FN1: variants seen among roughly 807,000 people sequenced by gnomAD.
FN1 encodes fibronectin.
A neutral mutation model predicts 297.3 loss-of-function variants in FN1; 106 were observed. The observed-to-expected ratio is 0.36, with a 90% confidence interval of 0.30 to 0.42. The LOEUF (loss-of-function observed/expected upper bound fraction) is 0.42. FN1 is among the 10% of genes least tolerant of loss of function. The pLI is 1.00. For synonymous variants in FN1, 1,149 were observed against 1,152.6 expected (o/e 1.00, Z 0.06); for missense variants, 2,690 against 3,124.9 (o/e 0.86, Z 3.32).
chr2:215,375,804 T>G, intron 36 of FN1, 86 bp from the exon 37 acceptor site: 2 of 836,938 alleles, frequency 2.4e-6, no homozygotes, highest in Non-Finnish European at 4.1e-6. Context: ...TTCTGGGTTC[T>G]TCTATCATCC....
chr2:215,414,524 G>A, intron 13 of FN1: 1 of 285,706 alleles, frequency 3.5e-6, no homozygotes, highest in African/African-American at 2.2e-5. Context: ...TTCCCACATT[G>A]GGCAAGAACA....
At chr2:215,396,320 C>T (rs1559455003) in intron 23 of FN1, among the ~76,000 whole-genome samples, 2 of 152,090 alleles carry the variant, frequency 1.3e-5, no homozygotes, top group Non-Finnish European at 2.9e-5. Context: ...GTGGTTTTGG[C>T]AAAAGTAATG....
At chr2:215,392,749 G>A (rs1378379182) in intron 25 of FN1, 182 bp downstream of exon 25, 4 of 664,838 alleles carry the variant, frequency 6.0e-6, no homozygotes, top group Non-Finnish European at 1.1e-5. Context: ...AAGAATACTT[G>A]CATGTGTTTT....
In FN1 at chr2:215,435,887, C is replaced by T; in HGVS notation, c.-85G>A. On this transcript the variant is annotated 5_prime_UTR_variant, in exon 1 of 46. Coordinates refer to ENST00000354785, the MANE Select transcript of FN1 (RefSeq NM_212482.4). ...CCCTTCGCAACCTGCGGGAAAAATC[C>T]CTTCTAATGCCTCCCGGGGGTTGTC... The T allele has an allele frequency of 6.8e-7, 1 of 1,477,212 alleles. No homozygotes were observed. Among genetic ancestry groups the T allele is most frequent in the South Asian group, 1.3e-5 (1 of 74,192 alleles). The allele number at this position is 1,477,212 out of a possible 1,614,324, so 91.5% of individuals were successfully genotyped here. A position where few individuals can be genotyped will look rare whatever the true frequency, so the allele number is the denominator to read the frequency against.
Position 215,383,360 on chromosome 2 carries a change from G to C in FN1, c.5018C>G (p.Pro1673Arg). The change falls in exon 31 of 46, where the codon CCA becomes CGA. Residue 1673 changes from proline (P) to arginine (R), a missense_variant. Around this residue, in one of 3 missense-constraint regions of FN1, gnomAD observed 1,743 missense variants for 1,945.2 expected, o/e 0.90. Transcript: ENST00000354785. Reference protein sequence around the residue: ...YRVTTTPKNGPGPTKTKTAGP... With the variant: ...YRVTTTPKNGRGPTKTKTAGP... Reference sequence around the variant, plus strand: ...TGCAGTTTTAGTTTTTGTTGGTCCTGGTCCATTTTTGGGAGTGGTGGTTAC... The same window carrying C: ...TGCAGTTTTAGTTTTTGTTGGTCCTCGTCCATTTTTGGGAGTGGTGGTTAC... 5 of 1,614,086 alleles carry C rather than the reference G, an allele frequency of 3.1e-6. No individual in the cohort carries two copies. Among genetic ancestry groups the C allele is most frequent in the Non-Finnish European group, 4.2e-6 (5 of 1,179,990 alleles).
At chr2:215,390,863 TA>T (rs1267890321) in intron 26 of FN1, among the ~76,000 whole-genome samples, 1 of 152,254 alleles carries the variant, frequency 6.6e-6, no homozygotes, top group Non-Finnish European at 1.5e-5. Flanking sequence ...GTAATGTACC[TA>T]AATGTAAGCT....
rs549527582 is a variant in FN1, at chr2:215,395,597, A to T, written c.3605-878T>A. Among the ~76,000 whole-genome samples the T allele has an allele frequency of 5.9e-5, 9 of 152,212 alleles. 1 individual carries two copies. The South Asian group carries it at 1.7e-3, about 28-fold the overall frequency. The stretch of plus-strand genomic sequence containing the variant: ...AGTATTGATTGTTGAAGTCTTCAGG[A>T]ATCACAGAAATTGGGCAGTAAAAGA... On this transcript the variant is annotated intron_variant, in intron 23 of 45. Transcript: ENST00000354785.
intron 20 of FN1, among the ~76,000 whole-genome samples, chr2:215,401,255 A>G (rs376236790): frequency 0.39 from 21,446 of 54,470 alleles, 3,555 homozygotes; most frequent in Non-Finnish European, 0.44. Flanking sequence ...AGAAAGGAAG[A>G]AAGAAAGGAA....
At chr2:215,401,231 A>AAGGAAGGAAGG (rs1559474823) in intron 20 of FN1, among the ~76,000 whole-genome samples, 42 of 57,890 alleles carry the variant, frequency 7.3e-4, no homozygotes, top group African/African-American at 2.7e-3. Flanking sequence ...AGAAAGAAAG[A>AAGGAAGGAAGG]AAGAAAGAAA....
chr2:215,372,435 C>CA lies in FN1; in HGVS notation c.6248-61dup, dbSNP rs1388088430. ...CGCATTAAGCTCCAGGAAGTAGCAGCAATGATAATAATCGATTCAGGCAAC... is the reference window on the plus strand; with the variant it reads ...CGCATTAAGCTCCAGGAAGTAGCAGCAAATGATAATAATCGATTCAGGCAAC... On this transcript the variant is annotated intron_variant, in intron 39 of 45. Coordinates refer to ENST00000354785, the MANE Select transcript of FN1 (RefSeq NM_212482.4). The CA allele has an allele frequency of 8.1e-6, 10 of 1,234,580 alleles. No individual in the cohort carries two copies. The East Asian group carries it at 2.3e-4, about 29-fold the overall frequency. The allele number at this position is 1,234,580 out of a possible 1,614,324, so 76.5% of individuals were successfully genotyped here. A position where few individuals can be genotyped will look rare whatever the true frequency, so the allele number is the denominator to read the frequency against.
chr2:215,432,052 T>A, intron 3 of FN1, 88 bp from the exon 4 acceptor site: 1 of 1,523,636 alleles, frequency 6.6e-7, no homozygotes, highest in Non-Finnish European at 9.1e-7. Flanking sequence ...GGTACTTAGG[T>A]TGGCTAAAGT....
chr2:215,399,596 T>G (rs2060745846), intron 20 of FN1, among the ~76,000 whole-genome samples: 1 of 152,068 alleles, frequency 6.6e-6, no homozygotes, highest in Non-Finnish European at 1.5e-5. Flanking sequence ...AACAAAAAAC[T>G]AGGGAGTTTG....
chr2:215,394,397 A>G (rs1400172566), intron 24 of FN1, 131 bp downstream of exon 24: 3 of 841,232 alleles, frequency 3.6e-6, no homozygotes, highest in Admixed American at 1.8e-5. Flanking sequence ...TTGGTTTTGG[A>G]AAGTGCAGCT....
In FN1 at chr2:215,408,089, A is replaced by G. The variant is rs764820412; in HGVS notation, c.2518+19T>C. 5 of 1,595,836 alleles carry G rather than the reference A, an allele frequency of 3.1e-6. No homozygotes were observed. The South Asian group carries it at 5.5e-5, about 18-fold the overall frequency. ...ATTAAGATTAACATAGCAGCCAAAG[A>G]GGGGGACGCTTAGCTGACCTGTGAT... On this transcript the variant is annotated intron_variant, in intron 17 of 45. Transcript: ENST00000354785.
Position 215,393,114 on chromosome 2 carries a change from T to C in FN1, c.3886A>G (p.Ile1296Val). ...GCAACTACTGTGATGCGGTACCCAA[T>C]AATGGTGGAAGAGTTTAGCGGGGTC... ...RWTPLNSSTI[I>V]GYRITVVAAG... Residue 1296 changes from isoleucine (I) to valine (V), a missense_variant, in exon 25 of 46, where the codon ATT becomes GTT. This residue lies in a region of FN1 where 1,743 missense variants were observed against 1,945.2 expected (regional missense o/e 0.90). Coordinates refer to ENST00000354785, the MANE Select transcript of FN1 (RefSeq NM_212482.4). The C allele has an allele frequency of 6.2e-7, 1 of 1,613,924 alleles. No individual in the cohort carries two copies. Among genetic ancestry groups the C allele is most frequent in the Non-Finnish European group, 8.5e-7 (1 of 1,179,958 alleles).
rs2106302170 is a variant in FN1, at chr2:215,409,950, G to A, written c.2106C>T (p.Thr702=). Residue 702 remains threonine (T), a synonymous_variant, in exon 14 of 46, where the codon ACC becomes ACT. Coordinates refer to ENST00000354785, the MANE Select transcript of FN1 (RefSeq NM_212482.4). ...TGTACATACTGGTCACAGGTGTGCT[G>A]GTGCTGGTGGTGGTGAAGTCAAAGC... ...VTRFDFTTTS[T]STPVTSNTVT... 6.2e-7 allele frequency: 1 copy of A among 1,613,830 alleles called. No homozygotes were observed. The highest frequency in any genetic ancestry group is 8.5e-7 in the Non-Finnish European group (1 of 1,179,986).
chr2:215,430,488 G>T (rs2066312978), intron 5 of FN1, among the ~76,000 whole-genome samples: 1 of 152,148 alleles, frequency 6.6e-6, no homozygotes, highest in African/African-American at 2.4e-5. Context: ...TATGTCAGTG[G>T]CAGTGAGCTG....
At position 215,422,142 on chromosome 2, in the gene FN1, C is replaced by T; in HGVS notation, c.1495G>A (p.Val499Ile). The change falls in exon 10 of 46, where the codon GTT becomes ATT. Residue 499 changes from valine (V) to isoleucine (I), a missense_variant. Around this residue, in one of 3 missense-constraint regions of FN1, gnomAD observed 876 missense variants for 1,058.1 expected, o/e 0.83. Transcript: ENST00000354785. Reference protein sequence around the residue: ...DMGHMMRCTCVGNGRGEWTCI... With the variant: ...DMGHMMRCTCIGNGRGEWTCI... ...GTCCATTCCCCACGACCATTCCCAA[C>T]ACACGTGCACCTCATCATGTGACCC... is the stretch of plus-strand genomic sequence containing the variant. 1.2e-6 allele frequency: 2 copies of T among 1,614,230 alleles called. No homozygotes were observed. Among genetic ancestry groups the T allele is most frequent in the South Asian group, 1.1e-5 (1 of 91,086 alleles).
chr2:215,407,384 C>T (rs926112482), intron 17 of FN1, 63 bp from the exon 18 acceptor site: 2 of 1,312,486 alleles, frequency 1.5e-6, no homozygotes, highest in Admixed American at 3.4e-5. Flanking sequence ...TTAGAAACAC[C>T]ATAAATCCTC....
Sources: gnomAD v4.1 joint callset for allele counts (sites outside exome capture counted in the v4.1 genomes callset) on GRCh38, gnomAD v4.1.1 for gene constraint, gnomAD v4.1.1 regional missense constraint, MANE v1.5 for transcripts, NCBI Gene and HGNC (gene_info 2026-07-23, HGNC 2026-07-21) for gene names.